Variants in TBC1D22A observed in about 807,000 individuals in gnomAD.
TBC1D22A encodes the protein putative GTPase activator.
A neutral mutation model predicts 60.2 loss-of-function variants in TBC1D22A; 38 were observed. The ratio of observed to expected loss-of-function variants is 0.63; its 90% CI spans 0.49 to 0.83. TBC1D22A has a LOEUF of 0.83. Ranked by LOEUF, TBC1D22A falls within the 40% of genes least tolerant of loss-of-function variation. TBC1D22A has a pLI of 0.00. For missense variants in TBC1D22A, 628 were observed against 701.0 expected (o/e 0.90, Z 1.18); for synonymous variants, 302 against 281.7 (o/e 1.07, Z -0.72).
At chr22:47,027,510 A>G (rs950830238) in intron 10 of TBC1D22A, among the ~76,000 whole-genome samples, 1 of 152,092 alleles carries the variant, frequency 6.6e-6, no homozygotes, top group African/African-American at 2.4e-5. Context: ...TGAGTCCCCA[A>G]AGTCCACTGT....
intron 10 of TBC1D22A, among the ~76,000 whole-genome samples, chr22:47,024,068 C>T (rs866448222): frequency 9.9e-5 from 15 of 152,158 alleles, no homozygotes; most frequent in Non-Finnish European, 2.2e-4. Flanking sequence ...GCGTAGGCGT[C>T]GGCAGGGAGA....
At chr22:46,914,219 A>T (rs1183513362) in intron 8 of TBC1D22A, 1 of 152,208 alleles carries the variant, frequency 6.6e-6, no homozygotes, top group Non-Finnish European at 1.5e-5. Context: ...ATGAATCACG[A>T]GGTCAGGAGT....
chr22:47,093,352 AT>A (rs948570939), intron 11 of TBC1D22A, among the ~76,000 whole-genome samples: 7 of 151,782 alleles, frequency 4.6e-5, no homozygotes, highest in Non-Finnish European at 1.0e-4. Context: ...AATCAAGGTC[AT>A]TTTTTTTGAG....
intron 4 of TBC1D22A, among the ~76,000 whole-genome samples, chr22:46,831,949 A>G (rs2086326548): frequency 8.0e-6 from 1 of 125,280 alleles, no homozygotes; most frequent in Non-Finnish European, 1.8e-5. Flanking sequence ...CAATGTTGGA[A>G]GGTCCTTTCC....
intron 11 of TBC1D22A, among the ~76,000 whole-genome samples, chr22:47,056,581 A>G (rs989006440): frequency 6.6e-6 from 1 of 152,132 alleles, no homozygotes; most frequent in African/African-American, 2.4e-5. Flanking sequence ...CCGTCTGTGC[A>G]CAGCCACCAT....
At chr22:46,936,474 T>C (rs1374980883) in intron 8 of TBC1D22A, among the ~76,000 whole-genome samples, 1 of 152,070 alleles carries the variant, frequency 6.6e-6, no homozygotes, top group Non-Finnish European at 1.5e-5. Context: ...ATAGCACATC[T>C]CTTTAATGAA....
intron 10 of TBC1D22A, among the ~76,000 whole-genome samples, chr22:47,011,157 GC>G (rs1456210298): frequency 6.6e-6 from 1 of 152,194 alleles, no homozygotes; most frequent in Non-Finnish European, 1.5e-5. Context: ...TTCCAGCGCT[GC>G]CCATCCTGGG....
chr22:46,768,864 C>T (rs112666442), intron 1 of TBC1D22A, among the ~76,000 whole-genome samples: 3,500 of 151,840 alleles, frequency 0.023, 79 homozygotes, highest in Non-Finnish European at 0.032. Flanking sequence ...GGGGCCCAGG[C>T]GGGTGGATCA....
At chr22:46,984,034 T>TC (rs1261309584) in intron 9 of TBC1D22A, among the ~76,000 whole-genome samples, 5 of 151,988 alleles carry the variant, frequency 3.3e-5, no homozygotes, top group Admixed American at 2.6e-4. Flanking sequence ...TTTCAGCCCC[T>TC]CCCTCTCTCT....
chr22:46,934,188 T>C (rs2147905242), intron 8 of TBC1D22A, among the ~76,000 whole-genome samples: 1 of 152,364 alleles, frequency 6.6e-6, no homozygotes, highest in Middle Eastern at 3.4e-3. Flanking sequence ...AATTAAATTT[T>C]CTCTTTGCAG....
intron 11 of TBC1D22A, among the ~76,000 whole-genome samples, chr22:47,101,572 C>T (rs1054017705): frequency 1.3e-5 from 2 of 152,208 alleles, no homozygotes; most frequent in Non-Finnish European, 2.9e-5. Flanking sequence ...CCAGCATCCT[C>T]GGTACTCAGA....
At position 46,777,539 on chromosome 22, in the gene TBC1D22A, T is replaced by A. The variant is rs1445167158; in HGVS notation, c.62+14691T>A. ...GGGTGGAGGAGGTCAGGAGAGAGCA[T>A]GATTTTTCATAAGAGAAGGAAGGAG... On this transcript the variant is annotated intron_variant, in intron 1 of 12. Coordinates refer to ENST00000337137, the MANE Select transcript of TBC1D22A (RefSeq NM_014346.5). The surrounding 1 kb of genome is among the most constrained non-coding windows in gnomAD (Gnocchi z 4.5). Among the ~76,000 whole-genome samples the A allele has an allele frequency of 6.6e-6, 1 of 151,990 alleles. No individual in the cohort carries two copies. The highest frequency in any genetic ancestry group is 1.9e-4 in the East Asian group (1 of 5,180).
intron 1 of TBC1D22A, among the ~76,000 whole-genome samples, chr22:46,769,642 G>C (rs979390482): frequency 6.6e-6 from 1 of 152,146 alleles, no homozygotes; most frequent in Non-Finnish European, 1.5e-5. Flanking sequence ...GGGGAGGAGG[G>C]GCATGGAGGG....
At chr22:47,150,863 C>T (rs1258280053) in intron 12 of TBC1D22A, among the ~76,000 whole-genome samples, 3 of 152,236 alleles carry the variant, frequency 2.0e-5, no homozygotes, top group Admixed American at 6.5e-5. Context: ...CCGCCCCCAC[C>T]ACCCTGCTGA....
chr22:47,172,861 C>T (rs1395970273), intron 12 of TBC1D22A, among the ~76,000 whole-genome samples: 1 of 152,184 alleles, frequency 6.6e-6, no homozygotes, highest in African/African-American at 2.4e-5. Context: ...GGCCAGTTGG[C>T]GCTTTGCTGT....
At chr22:46,850,561 C>T (rs763918361) in intron 4 of TBC1D22A, among the ~76,000 whole-genome samples, 1 of 152,178 alleles carries the variant, frequency 6.6e-6, no homozygotes, top group Non-Finnish European at 1.5e-5. Context: ...AATCAGAACT[C>T]TTATACGCTG....
At chr22:46,938,250 G>T (rs57263933) in intron 8 of TBC1D22A, among the ~76,000 whole-genome samples, 22,990 of 152,122 alleles carry the variant, frequency 0.15, 1,946 homozygotes, top group African/African-American at 0.23. Context: ...CCTTTTCTGT[G>T]TTTAGATATG....
intron 9 of TBC1D22A, among the ~76,000 whole-genome samples, chr22:46,995,343 G>C (rs911510381): frequency 6.6e-6 from 1 of 152,150 alleles, no homozygotes; most frequent in African/African-American, 2.4e-5. Flanking sequence ...AAATCCACCT[G>C]GGAGAAATCC....
intron 11 of TBC1D22A, among the ~76,000 whole-genome samples, chr22:47,049,302 G>A (rs1232153703): frequency 1.3e-5 from 2 of 152,216 alleles, no homozygotes; most frequent in African/African-American, 4.8e-5. Flanking sequence ...GGTACTTAAT[G>A]GTTGAGCATG....
Sources: allele counts gnomAD v4.1 joint callset (sites outside exome capture counted in the v4.1 genomes callset), GRCh38; gene constraint gnomAD v4.1.1; non-coding constraint Gnocchi (gnomAD v3.1); transcripts MANE v1.5; gene names NCBI Gene and HGNC (gene_info 2026-07-23, HGNC 2026-07-21).